Variants in CDH2 observed in about 807,000 individuals in gnomAD.
CDH2 encodes cadherin 2, also known as cadherin-2.
In CDH2, 17 loss-of-function variants were observed where a neutral mutation model predicts 92.0. The observed-to-expected ratio is 0.18, with a 90% CI of 0.13 to 0.28. The LOEUF is 0.28. CDH2 is among the 10% of genes least tolerant of loss of function. The pLI is 1.00. For missense variants in CDH2, 862 were observed against 1,133.1 expected (o/e 0.76, Z 3.44); for synonymous variants, 419 against 415.9 (o/e 1.01, Z -0.09).
chr18:28,071,540 C>T (rs1009494191), intron 2 of CDH2, among the ~76,000 whole-genome samples: 1 of 152,112 alleles, frequency 6.6e-6, no homozygotes, highest in East Asian at 1.9e-4. Flanking sequence ...CAGACCTTTT[C>T]CCCCTTCCTC....
chr18:28,061,121 A>G (rs2144145991), intron 2 of CDH2, among the ~76,000 whole-genome samples: 1 of 152,276 alleles, frequency 6.6e-6, no homozygotes, highest in African/African-American at 2.4e-5. Context: ...ACATAACATC[A>G]TTTAAAATGG....
intron 2 of CDH2, among the ~76,000 whole-genome samples, chr18:28,113,707 T>TA (rs745484594): frequency 5.2e-4 from 79 of 152,110 alleles, no homozygotes; most frequent in Non-Finnish European, 9.0e-4. Flanking sequence ...ACACATAGTT[T>TA]AAAAAAATAA....
At chr18:27,987,792 CAG>C (rs905804059) in intron 11 of CDH2, among the ~76,000 whole-genome samples, 4 of 152,020 alleles carry the variant, frequency 2.6e-5, no homozygotes, top group African/African-American at 9.7e-5. Flanking sequence ...AAAAAGGAAA[CAG>C]ATATATTTAA....
At chr18:27,978,453 TAA>T (rs2011923974) in intron 14 of CDH2, among the ~76,000 whole-genome samples, 1 of 152,148 alleles carries the variant, frequency 6.6e-6, no homozygotes, top group Non-Finnish European at 1.5e-5. Flanking sequence ...AATGCAGTGG[TAA>T]ACATCATCTT....
At chr18:28,078,961 A>G (rs1364683838) in intron 2 of CDH2, among the ~76,000 whole-genome samples, 1 of 152,166 alleles carries the variant, frequency 6.6e-6, no homozygotes, top group Non-Finnish European at 1.5e-5. Context: ...AGTAGAGCCT[A>G]CTTTCAACTG....
At chr18:28,013,316 T>C (rs2013150627) in intron 3 of CDH2, among the ~76,000 whole-genome samples, 1 of 152,184 alleles carries the variant, frequency 6.6e-6, no homozygotes, top group Non-Finnish European at 1.5e-5. Context: ...TGTTACTACT[T>C]TAAATCTGTA....
At chr18:28,155,752 A>AT (rs916588646) in intron 1 of CDH2, among the ~76,000 whole-genome samples, 3 of 152,154 alleles carry the variant, frequency 2.0e-5, no homozygotes, top group Non-Finnish European at 2.9e-5. Flanking sequence ...AGCACGACTA[A>AT]TTTTTTTATT....
chr18:28,135,816 C>G (rs1300491765), intron 2 of CDH2, among the ~76,000 whole-genome samples: 1 of 152,012 alleles, frequency 6.6e-6, no homozygotes. Context: ...TTAAGGTGGT[C>G]CATTATTTTT....
At chr18:28,014,823 T>G (rs1026248719) in intron 2 of CDH2, among the ~76,000 whole-genome samples, 1 of 152,028 alleles carries the variant, frequency 6.6e-6, no homozygotes, top group Non-Finnish European at 1.5e-5. Flanking sequence ...TGTGTAGAAC[T>G]AGACAAATTC....
At chr18:28,075,000 G>T (rs2014691990) in intron 2 of CDH2, among the ~76,000 whole-genome samples, 1 of 152,086 alleles carries the variant, frequency 6.6e-6, no homozygotes, top group Non-Finnish European at 1.5e-5. Context: ...CCACTGTGGG[G>T]CAATTCACAT....
At chr18:28,063,233 T>C (rs2014439459) in intron 2 of CDH2, among the ~76,000 whole-genome samples, 1 of 152,216 alleles carries the variant, frequency 6.6e-6, no homozygotes, top group African/African-American at 2.4e-5. Context: ...ACTGCTTTTC[T>C]TGTATCTTGA....
chr18:28,138,925 T>C (rs1468182012), intron 2 of CDH2, among the ~76,000 whole-genome samples: 3 of 151,980 alleles, frequency 2.0e-5, no homozygotes, highest in Non-Finnish European at 4.4e-5. Context: ...CTCCTCCTCA[T>C]TTGGGGGAAG....
At chr18:27,952,678 A>C (rs572943235) in intron 15 of CDH2, among the ~76,000 whole-genome samples, 1 of 152,262 alleles carries the variant, frequency 6.6e-6, no homozygotes, top group East Asian at 1.9e-4. Flanking sequence ...TGAGGCAGAG[A>C]AGAAAGGATC....
intron 2 of CDH2, among the ~76,000 whole-genome samples, chr18:28,137,887 C>T (rs923567557): frequency 2.6e-5 from 4 of 152,092 alleles, no homozygotes; most frequent in Non-Finnish European, 5.9e-5. Context: ...TAGGCCTTTT[C>T]TCCATTGCCT....
At chr18:28,088,780 T>A (rs903438729) in intron 2 of CDH2, among the ~76,000 whole-genome samples, 7 of 152,130 alleles carry the variant, frequency 4.6e-5, no homozygotes, top group African/African-American at 1.7e-4. Flanking sequence ...GGGGGCCTTC[T>A]ATGCATAGCA....
chr18:28,172,676 A>G (rs1392857261), intron 1 of CDH2, among the ~76,000 whole-genome samples: 1 of 152,168 alleles, frequency 6.6e-6, no homozygotes, highest in African/African-American at 2.4e-5. Flanking sequence ...AAAATCTATC[A>G]CATTTTTAAA....
At chr18:28,018,548 A>T (rs2013318109) in intron 2 of CDH2, among the ~76,000 whole-genome samples, 1 of 152,102 alleles carries the variant, frequency 6.6e-6, no homozygotes, top group African/African-American at 2.4e-5. Context: ...AGGCATATAG[A>T]CCAATGGAAC....
chr18:28,158,441 G>T (rs1243486459), intron 1 of CDH2, among the ~76,000 whole-genome samples: 1 of 152,190 alleles, frequency 6.6e-6, no homozygotes, highest in East Asian at 1.9e-4. Flanking sequence ...TCCACCCATG[G>T]ATATCTTGGG....
At chr18:28,161,934 C>G (rs1442228115) in intron 1 of CDH2, among the ~76,000 whole-genome samples, 1 of 152,136 alleles carries the variant, frequency 6.6e-6, no homozygotes. Flanking sequence ...TATTGTTAAG[C>G]TATAGGTCCG....
Sources: gnomAD v4.1 joint callset for allele counts (sites outside exome capture counted in the v4.1 genomes callset) on GRCh38, gnomAD v4.1.1 for gene constraint, MANE v1.5 for transcripts, NCBI Gene and HGNC (gene_info 2026-07-23, HGNC 2026-07-21) for gene names.